KAT7: variants seen among roughly 807,000 people sequenced by gnomAD.
KAT7 encodes lysine acetyltransferase 7, also known as histone acetyltransferase KAT7.
In KAT7, 10 loss-of-function variants were observed where a neutral mutation model predicts 82.1. The observed-to-expected ratio is 0.12, with a 90% CI of 0.08 to 0.21. The LOEUF (loss-of-function observed/expected upper bound fraction) is 0.21, where lower values mean the gene tolerates loss of function less well. Ranked by LOEUF, KAT7 falls within the 10% of genes least tolerant of loss-of-function variation. The pLI, the probability that KAT7 is intolerant of heterozygous loss-of-function variation, is 1.00. For missense variants in KAT7, 378 were observed against 760.9 expected, an observed-to-expected ratio of 0.50 and a Z score of 5.92; for synonymous variants, 250 against 262.5, an observed-to-expected ratio of 0.95 and a Z score of 0.46.
intron 11 of KAT7, among the ~76,000 whole-genome samples, chr17:49,822,430 C>T (rs1387432958): frequency 6.6e-6 from 1 of 152,050 alleles, no homozygotes; most frequent in Non-Finnish European, 1.5e-5. Context: ...GGTGTTTTAC[C>T]ATGTTGGCCA....
At chr17:49,820,913 G>A (rs1357307146) in intron 9 of KAT7, among the ~76,000 whole-genome samples, 1 of 152,114 alleles carries the variant, frequency 6.6e-6, no homozygotes, top group East Asian at 1.9e-4. Flanking sequence ...GGCCATCATG[G>A]TTAGGTGGTA....
At chr17:49,794,430 C>G (rs550013420) in intron 2 of KAT7, among the ~76,000 whole-genome samples, 1 of 152,206 alleles carries the variant, frequency 6.6e-6, no homozygotes, top group South Asian at 2.1e-4. Context: ...GGATTACAGG[C>G]GAGCACCACC....
chr17:49,794,118 A>G (rs1488531103), intron 2 of KAT7, among the ~76,000 whole-genome samples: 1 of 152,192 alleles, frequency 6.6e-6, no homozygotes, highest in Non-Finnish European at 1.5e-5. Flanking sequence ...TGATAGAAAA[A>G]TCATAGTTCC....
At chr17:49,823,096 G>GT in intron 11 of KAT7, 106 bp from the exon 12 acceptor site, 1 of 693,130 alleles carries the variant, frequency 1.4e-6, no homozygotes, top group Non-Finnish European at 2.6e-6. Flanking sequence ...CTTGGGACTG[G>GT]TTAGCCAGAT....
intron 4 of KAT7, among the ~76,000 whole-genome samples, chr17:49,800,568 T>C (rs999704311): frequency 2.0e-5 from 3 of 152,202 alleles, no homozygotes; most frequent in Non-Finnish European, 2.9e-5. Context: ...CCTCTGCTTC[T>C]GCTTGTTACT....
At chr17:49,807,426 G>A (rs150195575) in intron 5 of KAT7, among the ~76,000 whole-genome samples, 98 of 152,298 alleles carry the variant, frequency 6.4e-4, no homozygotes, top group African/African-American at 2.3e-3. Flanking sequence ...AACAGCAAGT[G>A]CAGAGGCCAT....
At chr17:49,820,319 G>A (rs1327041455) in intron 9 of KAT7, among the ~76,000 whole-genome samples, 2 of 149,258 alleles carry the variant, frequency 1.3e-5, no homozygotes, top group South Asian at 2.1e-4. Flanking sequence ...ACAGAGTCTC[G>A]CTCTGTCACT....
intron 1 of KAT7, chr17:49,789,284 C>T (rs1380026366): frequency 1.3e-5 from 2 of 158,198 alleles, no homozygotes; most frequent in African/African-American, 4.8e-5. Flanking sequence ...CTTAGGCGGA[C>T]CTCGATTGGG....
At chr17:49,810,988 G>C (rs1005409709) in intron 6 of KAT7, among the ~76,000 whole-genome samples, 5 of 152,074 alleles carry the variant, frequency 3.3e-5, no homozygotes, top group Non-Finnish European at 5.9e-5. Flanking sequence ...GACAGAGCGA[G>C]ACCCTGCCTC....
chr17:49,796,338 C>G (rs1256328277), intron 2 of KAT7, among the ~76,000 whole-genome samples: 4 of 152,244 alleles, frequency 2.6e-5, no homozygotes, highest in Non-Finnish European at 5.9e-5. Flanking sequence ...ATAAAGCACT[C>G]TGTACCACGG....
At chr17:49,820,678 A>G (rs1376550928) in intron 9 of KAT7, among the ~76,000 whole-genome samples, 1 of 151,990 alleles carries the variant, frequency 6.6e-6, no homozygotes, top group Admixed American at 6.6e-5. Flanking sequence ...GGGTGAGGAA[A>G]AGGGGGTACT....
chr17:49,821,987 T>C (rs555747500), intron 11 of KAT7, among the ~76,000 whole-genome samples, 197 bp downstream of exon 11: 1 of 152,046 alleles, frequency 6.6e-6, no homozygotes, highest in Non-Finnish European at 1.5e-5. Flanking sequence ...TATTAAAAGC[T>C]TCTGGTTCAT....
At chr17:49,792,311 G>GT (rs1567845970) in intron 2 of KAT7, among the ~76,000 whole-genome samples, 1 of 152,042 alleles carries the variant, frequency 6.6e-6, no homozygotes, top group African/African-American at 2.4e-5. Flanking sequence ...TTGTTTGTTT[G>GT]TTTTTTTAGA....
chr17:49,809,087 G>T, intron 5 of KAT7, 32 bp from the exon 6 acceptor site: 2 of 1,545,928 alleles, frequency 1.3e-6, no homozygotes, highest in Non-Finnish European at 1.8e-6. Context: ...CTTAGAAGCA[G>T]GTGGATTTAT....
In KAT7 at chr17:49,795,160, C is replaced by A. The variant is rs1399640921; in HGVS notation, c.164-1590C>A. 2.6e-5 allele frequency among the ~76,000 whole-genome samples: 4 copies of A among 152,118 alleles called. No homozygotes were observed. In the South Asian group the frequency reaches 8.3e-4, roughly 32 times the overall value. On this transcript the variant is annotated intron_variant, in intron 2 of 14. Transcript: ENST00000259021. The stretch of plus-strand genomic sequence containing the variant: ...GAGAGGATTTTGACTGTTCTCACCA[C>A]AAAGAAATGACAAGTGTTTGAGATA...
At chr17:49,797,054 C>G in intron 3 of KAT7, 128 bp downstream of exon 3, 1 of 717,606 alleles carries the variant, frequency 1.4e-6, no homozygotes, top group Non-Finnish European at 2.3e-6. Flanking sequence ...TTGCTTGCTT[C>G]CTTTCTTATG....
At chr17:49,790,829 T>G (rs2073878261) in intron 1 of KAT7, among the ~76,000 whole-genome samples, 1 of 152,240 alleles carries the variant, frequency 6.6e-6, no homozygotes, top group Admixed American at 6.5e-5. Context: ...CCCTCAGGGT[T>G]TTGAATAAAT....
intron 14 of KAT7, 125 bp downstream of exon 14, chr17:49,826,924 G>T: frequency 1.6e-6 from 1 of 607,038 alleles, no homozygotes; most frequent in South Asian, 2.0e-5. Context: ...CCTTTTACTG[G>T]GTCTCATTTC....
At chr17:49,793,773 A>G (rs1039312259) in intron 2 of KAT7, among the ~76,000 whole-genome samples, 3 of 152,002 alleles carry the variant, frequency 2.0e-5, no homozygotes, top group Admixed American at 1.3e-4. Context: ...GGGTTTCACC[A>G]TGTTGGCCAG....
Sources: gnomAD v4.1 joint callset for allele counts (sites outside exome capture counted in the v4.1 genomes callset) on GRCh38, gnomAD v4.1.1 for gene constraint, MANE v1.5 for transcripts, NCBI Gene and HGNC (gene_info 2026-07-23, HGNC 2026-07-21) for gene names.